Variants in SGCZ observed in about 807,000 individuals in gnomAD.
SGCZ encodes the protein zeta-sarcoglycan.
Under a neutral mutation model 41.3 loss-of-function variants are expected in SGCZ, and 40 were observed. That is an observed-to-expected ratio of 0.97 (90% confidence interval 0.75 to 1.26). SGCZ has a LOEUF of 1.26. Among genes scored for constraint, SGCZ ranks in the 50% most tolerant of loss-of-function variants. SGCZ has a pLI of 0.00. For missense variants in SGCZ, 552 were observed against 369.8 expected (o/e 1.49, Z -4.04); for synonymous variants, 206 against 137.5 (o/e 1.50, Z -3.49).
intron 1 of SGCZ, among the ~76,000 whole-genome samples, chr8:15,050,542 A>C (rs959386479): frequency 6.6e-6 from 1 of 152,188 alleles, no homozygotes; most frequent in Non-Finnish European, 1.5e-5. Context: ...TAAGAAGAGA[A>C]CTATGAGTAT....
At chr8:14,308,665 T>C (rs11995832) in intron 3 of SGCZ, among the ~76,000 whole-genome samples, 1,955 of 152,194 alleles carry the variant, frequency 0.013, 50 homozygotes, top group African/African-American at 0.043. Flanking sequence ...TTCTAATTTA[T>C]AATACATAAG....
intron 1 of SGCZ, among the ~76,000 whole-genome samples, chr8:14,967,599 A>G (rs1227498465): frequency 6.6e-6 from 1 of 152,022 alleles, no homozygotes; most frequent in African/African-American, 2.4e-5. Flanking sequence ...AGCTGAACTC[A>G]CTGTACTTTT....
intron 5 of SGCZ, among the ~76,000 whole-genome samples, chr8:14,134,825 T>C (rs1037464924): frequency 1.3e-5 from 2 of 151,758 alleles, no homozygotes; most frequent in Non-Finnish European, 1.5e-5. Context: ...CCACCTGTTG[T>C]TGCCTGGCTT....
chr8:14,560,527 G>C lies in SGCZ; in HGVS notation c.40-5601C>G, dbSNP rs566507827. Among the ~76,000 whole-genome samples, 3 of 152,088 alleles carry C rather than the reference G, an allele frequency of 2.0e-5. No individual in the cohort carries two copies. In the South Asian group the frequency reaches 6.2e-4, roughly 32 times the overall value. On this transcript the variant is annotated intron_variant, in intron 1 of 7. Coordinates refer to ENST00000382080, the MANE Select transcript of SGCZ (RefSeq NM_139167.4). ...CTGGCAAGTAGGAGACCTTCCCCTT[G>C]TAGAGTTGGTCTCTGAAAATTCCAA...
chr8:15,111,404 C>T (rs1260137408), intron 1 of SGCZ, among the ~76,000 whole-genome samples: 2 of 152,164 alleles, frequency 1.3e-5, no homozygotes, highest in Non-Finnish European at 2.9e-5. Context: ...TTGCATAGGG[C>T]ACCCATCCAC....
At chr8:14,235,864 T>G (rs1211801310) in intron 4 of SGCZ, among the ~76,000 whole-genome samples, 1 of 152,292 alleles carries the variant, frequency 6.6e-6, no homozygotes, top group Admixed American at 6.5e-5. Flanking sequence ...TTTGTATTTT[T>G]AGTAGAGATG....
chr8:14,594,475 A>C (rs10113284), intron 1 of SGCZ, among the ~76,000 whole-genome samples: 3 of 152,028 alleles, frequency 2.0e-5, no homozygotes, highest in South Asian at 4.1e-4. Context: ...TTTCTGCCCA[A>C]TCTCACAATT....
intron 5 of SGCZ, among the ~76,000 whole-genome samples, chr8:14,148,635 A>C (rs752536661): frequency 2.8e-4 from 42 of 152,254 alleles, no homozygotes; most frequent in Non-Finnish European, 5.6e-4. Context: ...TACCAATCTT[A>C]CTCAAACTAT....
intron 1 of SGCZ, among the ~76,000 whole-genome samples, chr8:15,096,874 A>G (rs970790604): frequency 2.0e-5 from 3 of 151,906 alleles, no homozygotes; most frequent in Non-Finnish European, 2.9e-5. Context: ...TTTAGTAGAG[A>G]TGGGGTTTCA....
intron 1 of SGCZ, among the ~76,000 whole-genome samples, chr8:15,023,434 A>T (rs1437324642): frequency 2.0e-5 from 3 of 152,062 alleles, no homozygotes; most frequent in South Asian, 2.1e-4. Context: ...TCCCACACAC[A>T]TTCCTTTTTG....
At chr8:14,105,259 C>G (rs111328561) in intron 6 of SGCZ, among the ~76,000 whole-genome samples, 2 of 152,012 alleles carry the variant, frequency 1.3e-5, no homozygotes, top group Admixed American at 1.3e-4. Context: ...ACTCACTCAT[C>G]AAACAGCTGC....
At chr8:14,731,101 C>A (rs574117679) in intron 1 of SGCZ, among the ~76,000 whole-genome samples, 4 of 151,924 alleles carry the variant, frequency 2.6e-5, no homozygotes, top group Admixed American at 2.6e-4. Flanking sequence ...TTTATTGTGG[C>A]ACTGTTCATA....
At chr8:14,152,624 T>C (rs1275212293) in intron 5 of SGCZ, among the ~76,000 whole-genome samples, 1 of 152,118 alleles carries the variant, frequency 6.6e-6, no homozygotes, top group East Asian at 1.9e-4. Flanking sequence ...GCAAAAAAAG[T>C]TTATAAAACA....
At chr8:15,198,726 T>C (rs1263515997) in intron 1 of SGCZ, among the ~76,000 whole-genome samples, 3 of 152,214 alleles carry the variant, frequency 2.0e-5, no homozygotes, top group Non-Finnish European at 1.5e-5. Context: ...TGCCAGCCTC[T>C]TGCTACTTAG....
chr8:14,821,134 T>G (rs1426699414), intron 1 of SGCZ, among the ~76,000 whole-genome samples: 1 of 151,832 alleles, frequency 6.6e-6, no homozygotes, highest in Non-Finnish European at 1.5e-5. Context: ...AAAAGAAATG[T>G]TAAAACTGAT....
intron 3 of SGCZ, among the ~76,000 whole-genome samples, chr8:14,319,991 AT>A (rs1363394041): frequency 6.6e-6 from 1 of 151,762 alleles, no homozygotes; most frequent in Non-Finnish European, 1.5e-5. Flanking sequence ...ATTTATTTTT[AT>A]TTTTTCGATT....
intron 3 of SGCZ, among the ~76,000 whole-genome samples, chr8:14,248,843 C>T (rs1365894347): frequency 1.3e-5 from 2 of 151,558 alleles, no homozygotes. Flanking sequence ...ACTTTATGTG[C>T]ATGTATGCTG....
chr8:14,941,354 G>GCA (rs1255322144), intron 1 of SGCZ, among the ~76,000 whole-genome samples: 1 of 152,094 alleles, frequency 6.6e-6, no homozygotes, highest in Non-Finnish European at 1.5e-5. Flanking sequence ...CAGTGTCAAT[G>GCA]TTTACCACAA....
intron 2 of SGCZ, among the ~76,000 whole-genome samples, chr8:14,345,988 T>C (rs1802879417): frequency 6.6e-6 from 1 of 152,084 alleles, no homozygotes; most frequent in Non-Finnish European, 1.5e-5. Flanking sequence ...CTATTTCACA[T>C]TATACTGCAG....
Sources: gnomAD v4.1 joint callset for allele counts (sites outside exome capture counted in the v4.1 genomes callset) on GRCh38, gnomAD v4.1.1 for gene constraint, MANE v1.5 for transcripts, NCBI Gene and HGNC (gene_info 2026-07-23, HGNC 2026-07-21) for gene names.